LRSAM1: variants seen among roughly 807,000 people sequenced by gnomAD.
LRSAM1 encodes leucine rich repeat and sterile alpha motif containing 1, also known as E3 ubiquitin-protein ligase LRSAM1.
Under a neutral mutation model 118.1 loss-of-function variants are expected in LRSAM1, and 96 were observed. The ratio of observed to expected loss-of-function variants is 0.81; its 90% CI spans 0.69 to 0.96. The LOEUF (loss-of-function observed/expected upper bound fraction) is 0.96. Among genes scored for constraint, LRSAM1 ranks in the 40% least tolerant of loss-of-function variants. LRSAM1 has a pLI of 0.00. For synonymous variants in LRSAM1, 322 were observed against 364.2 expected (o/e 0.88, Z 1.32); for missense variants, 804 against 915.5 (o/e 0.88, Z 1.57).
At chr9:127,472,313 ATG>A (rs112788447) in intron 10 of LRSAM1, among the ~76,000 whole-genome samples, 63,697 of 148,586 alleles carry the variant, frequency 0.43, 14,158 homozygotes, top group Non-Finnish European at 0.49. Flanking sequence ...ATATATATAT[ATG>A]TGTGTGTAAA....
Position 127,497,272 on chromosome 9 carries a change from G to A in LRSAM1, c.1850G>A (p.Gly617Asp). The change falls in exon 24 of 26, where the codon GGC (glycine) becomes GAC (aspartate). Residue 617 changes from glycine (G) to aspartate (D), a missense_variant. Coordinates refer to ENST00000300417, the MANE Select transcript of LRSAM1 (RefSeq NM_001005373.4). ...DLAKVGVSEA[G>D]LQHEILRRVQ... ...TCACAGGTGGGCGTCTCAGAAGCTGGCCTGCAGCACGAGATCCTCCGGAGA... is the reference window on the plus strand; with the variant it reads ...TCACAGGTGGGCGTCTCAGAAGCTGACCTGCAGCACGAGATCCTCCGGAGA... 1 of 1,613,212 alleles carries A rather than the reference G, an allele frequency of 6.2e-7. No homozygotes were observed. The highest frequency in any genetic ancestry group is 1.1e-5 in the South Asian group (1 of 91,084).
At chr9:127,495,678 G>A (rs903511864) in intron 22 of LRSAM1, among the ~76,000 whole-genome samples, 1 of 152,170 alleles carries the variant, frequency 6.6e-6, no homozygotes, top group Non-Finnish European at 1.5e-5. Context: ...TGTGCCGGGA[G>A]CCACTGTCTG....
At chr9:127,492,769 T>A in intron 20 of LRSAM1, 33 bp from the exon 21 acceptor site, 1 of 1,604,898 alleles carries the variant, frequency 6.2e-7, no homozygotes, top group Non-Finnish European at 8.5e-7. Context: ...TGCCGCCAGC[T>A]CACGGTGGTG....
At chr9:127,499,663 C>A (rs2132123587) in intron 24 of LRSAM1, among the ~76,000 whole-genome samples, 1 of 152,118 alleles carries the variant, frequency 6.6e-6, no homozygotes, top group East Asian at 1.9e-4. Context: ...GGGTGCGGTG[C>A]CTCACGCCTG....
intron 16 of LRSAM1, among the ~76,000 whole-genome samples, chr9:127,484,802 C>CT (rs200817114): frequency 4.9e-5 from 3 of 61,196 alleles, no homozygotes; most frequent in South Asian, 4.4e-4. Flanking sequence ...TTTGATTTTT[C>CT]TTTTTTTCTT....
At position 127,479,829 on chromosome 9, in the gene LRSAM1, C is replaced by T. The variant is rs567892072; in HGVS notation, c.904-10C>T. On this transcript the variant is annotated splice_polypyrimidine_tract_variant and intron_variant, in intron 13 of 25. Transcript: ENST00000300417. The stretch of plus-strand genomic sequence containing the variant: ...TCCCAGGGGCTCAGGACCCCTACCT[C>T]CGGCTGCAGGAGCAGTCCCGGCTGG... 6.2e-7 allele frequency: 1 copy of T among 1,611,148 alleles called. No individual in the cohort carries two copies. Among genetic ancestry groups the T allele is most frequent in the South Asian group, 1.1e-5 (1 of 90,952 alleles).
chr9:127,462,512 T>C, intron 9 of LRSAM1, 139 bp downstream of exon 9: 2 of 1,337,702 alleles, frequency 1.5e-6, no homozygotes, highest in Non-Finnish European at 2.1e-6. Flanking sequence ...TGGAGGCTTG[T>C]AGAGAGGCCA....
In LRSAM1 at chr9:127,458,907, G is replaced by C. The variant is rs1332780675; in HGVS notation, c.253-96G>C. On this transcript the variant is annotated intron_variant, in intron 6 of 25. Coordinates refer to ENST00000300417, the MANE Select transcript of LRSAM1 (RefSeq NM_001005373.4). ...GGCAGGCACTCTGTTTCTGCACTGG[G>C]GGTGTGAGGTGGCCCCAGCCCCTCC... The C allele has an allele frequency of 5.0e-5, 56 of 1,126,258 alleles. No homozygotes were observed. In the South Asian group the frequency reaches 6.5e-4, roughly 13 times the overall value. The allele number at this position is 1,126,258 out of a possible 1,614,324, so 69.8% of individuals were successfully genotyped here. A position where few individuals can be genotyped will look rare whatever the true frequency, so the allele number is the denominator to read the frequency against.
At chr9:127,497,742 C>T (rs1359959401) in intron 24 of LRSAM1, among the ~76,000 whole-genome samples, 1 of 152,196 alleles carries the variant, frequency 6.6e-6, no homozygotes. Context: ...ATGTCCACAA[C>T]AGGCTGTGAA....
chr9:127,469,844 A>G (rs7469828), intron 10 of LRSAM1, among the ~76,000 whole-genome samples: 9 of 152,114 alleles, frequency 5.9e-5, no homozygotes, highest in Admixed American at 4.6e-4. Flanking sequence ...GGGCGCCTGT[A>G]GTCCCAGCTA....
Position 127,502,937 on chromosome 9 carries a change from C to G in LRSAM1, c.*38C>G. 6.4e-7 allele frequency: 1 copy of G among 1,565,190 alleles called. No homozygotes were observed. Among genetic ancestry groups the G allele is most frequent in the Non-Finnish European group, 8.6e-7 (1 of 1,156,364 alleles). On this transcript the variant is annotated 3_prime_UTR_variant, in exon 26 of 26. Transcript: ENST00000300417. ...CACCTGGGCCTGGTCCTAGCCCTGC[C>G]TCGGCCACTGTGAGCCCCGGGCTCC...
intron 24 of LRSAM1, among the ~76,000 whole-genome samples, chr9:127,499,122 C>A (rs1170445215): frequency 6.6e-6 from 1 of 151,720 alleles, no homozygotes; most frequent in Non-Finnish European, 1.5e-5. Flanking sequence ...GGCTGTAATC[C>A]CACACTTTGG....
chr9:127,479,571 G>A, intron 13 of LRSAM1, 66 bp downstream of exon 13: 3 of 1,604,046 alleles, frequency 1.9e-6, no homozygotes, highest in African/African-American at 1.3e-5. Flanking sequence ...CCTGGCTTGG[G>A]CCAAGGTCCC....
Position 127,461,475 on chromosome 9 carries a change from G to A in LRSAM1, c.406+218G>A, listed in dbSNP as rs2254541. 0.28 allele frequency among the ~76,000 whole-genome samples: 42,439 copies of A among 152,152 alleles called. 7,874 individuals carry two copies. Among genetic ancestry groups the A allele is most frequent in the Non-Finnish European group, 0.39 (26,638 of 67,966 alleles). ...CCTGTGGCTCCTGAGAGCCAGGGCCGTATGGCCGTATGGGGAGGAGGGCAG... is the reference window on the plus strand; with the variant it reads ...CCTGTGGCTCCTGAGAGCCAGGGCCATATGGCCGTATGGGGAGGAGGGCAG... On this transcript the variant is annotated intron_variant, in intron 8 of 25. Transcript: ENST00000300417.
chr9:127,490,331 C>T (rs1835890236), intron 19 of LRSAM1, among the ~76,000 whole-genome samples: 1 of 151,768 alleles, frequency 6.6e-6, no homozygotes. Flanking sequence ...TTCCACATTG[C>T]CGGACATGAA....
In LRSAM1 at chr9:127,481,378, G is replaced by T. The variant is rs1588122524; in HGVS notation, c.1088+151G>T. On this transcript the variant is annotated intron_variant, in intron 15 of 25. Coordinates refer to ENST00000300417, the MANE Select transcript of LRSAM1 (RefSeq NM_001005373.4). ...AGCAATTCCCCTGCCTCAGCCTCCC[G>T]AGTAGCTGGGACTATAGGCGCATAC... 6.6e-6 allele frequency: 5 copies of T among 761,132 alleles called. No homozygotes were observed. The South Asian group carries it at 7.8e-5, about 12-fold the overall frequency. The allele number at this position is 761,132 out of a possible 1,614,324, so 47.1% of individuals were successfully genotyped here. A position where few individuals can be genotyped will look rare whatever the true frequency, so the allele number is the denominator to read the frequency against.
intron 15 of LRSAM1, among the ~76,000 whole-genome samples, chr9:127,481,943 T>TAA (rs1022180142): frequency 7.3e-6 from 1 of 136,638 alleles, no homozygotes; most frequent in Non-Finnish European, 1.6e-5. Context: ...TGGTTCCAGC[T>TAA]AAAAAAAAAA....
chr9:127,478,070 A>G (rs936694829), intron 11 of LRSAM1, among the ~76,000 whole-genome samples: 57 of 151,634 alleles, frequency 3.8e-4, no homozygotes, highest in African/African-American at 1.3e-3. Flanking sequence ...AAAAAAAAAA[A>G]GAAGAACCTA....
Position 127,451,621 on chromosome 9 carries a change from G to A in LRSAM1, c.-237G>A. The A allele has an allele frequency of 2.0e-6, 1 of 490,660 alleles. No individual in the cohort carries two copies. Among genetic ancestry groups the A allele is most frequent in the South Asian group, 2.6e-5 (1 of 38,298 alleles). 30.4% of individuals were successfully genotyped at this position (490,660 alleles called of 1,614,324 possible). On this transcript the variant is annotated 5_prime_UTR_variant, in exon 1 of 26. Coordinates refer to ENST00000300417, the MANE Select transcript of LRSAM1 (RefSeq NM_001005373.4). ...AGTTCGCTCCGGAGAAGTCTGAGAA[G>A]GGTGGCTCCGGTGATCCCAGCCCTA...
Sources: gnomAD v4.1 joint callset for allele counts (sites outside exome capture counted in the v4.1 genomes callset) on GRCh38, gnomAD v4.1.1 for gene constraint, MANE v1.5 for transcripts, NCBI Gene and HGNC (gene_info 2026-07-23, HGNC 2026-07-21) for gene names.